The following DST variants were observed in gnomAD, a reference collection of about 807,000 sequenced individuals.
DST encodes the protein bullous pemphigoid antigen.
In DST, 253 loss-of-function variants were observed where a neutral mutation model predicts 875.2. That is an observed-to-expected ratio of 0.29 (90% CI 0.26 to 0.32). The LOEUF (loss-of-function observed/expected upper bound fraction) is 0.32. DST is among the 10% of genes least tolerant of loss of function. DST has a pLI of 1.00. For synonymous variants in DST, 3,124 were observed against 3,197.1 expected (o/e 0.98, Z 0.77); for missense variants, 8,287 against 9,111.6 (o/e 0.91, Z 3.68).
At chr6:56,498,869 C>T (rs900101636) in intron 80 of DST, among the ~76,000 whole-genome samples, 12 of 152,104 alleles carry the variant, frequency 7.9e-5, no homozygotes, top group African/African-American at 2.9e-4. Context: ...TTCAGTTGTT[C>T]TTCAAGTAGA....
intron 36 of DST, chr6:56,616,320 C>CA: frequency 6.2e-7 from 1 of 1,613,684 alleles, no homozygotes; most frequent in Non-Finnish European, 8.5e-7. Context: ...CCATAGGATT[C>CA]AAAAAACATA....
intron 71 of DST, among the ~76,000 whole-genome samples, chr6:56,516,143 G>A (rs9464391): frequency 1.4e-5 from 2 of 142,700 alleles, no homozygotes; most frequent in Non-Finnish European, 3.1e-5. Flanking sequence ...GAGAGAGAGA[G>A]AGAGAAAGAG....
intron 4 of DST, among the ~76,000 whole-genome samples, chr6:56,827,506 CAAAA>C (rs779051829): frequency 1.2e-4 from 7 of 58,780 alleles, no homozygotes; most frequent in Admixed American, 9.5e-4. Context: ...GACTCCGTCT[CAAAA>C]AAAAAAAAAA....
At chr6:56,760,393 C>T (rs2099614458) in intron 4 of DST, among the ~76,000 whole-genome samples, 1 of 152,112 alleles carries the variant, frequency 6.6e-6, no homozygotes, top group African/African-American at 2.4e-5. Context: ...TTGTATGTCT[C>T]TCCATGTGTA....
intron 48 of DST, 99 bp from the exon 49 acceptor site, chr6:56,592,457 A>C (rs2098295080): frequency 1.0e-6 from 1 of 989,076 alleles, no homozygotes; most frequent in Non-Finnish European, 1.5e-6. Flanking sequence ...CTTGGAAAAA[A>C]AACCAGACTT....
At position 56,842,908 on chromosome 6, in the gene DST, C is replaced by A. The variant is rs1591545530; in HGVS notation, c.625+8489G>T. Reference sequence around the variant, plus strand: ...TCCCTGCGCTGGGGGTACTAAATCCCGTGCAAAAAGACCTGGTCCATTCCC... The same window carrying A: ...TCCCTGCGCTGGGGGTACTAAATCCAGTGCAAAAAGACCTGGTCCATTCCC... On this transcript the variant is annotated intron_variant, in intron 4 of 103. Coordinates refer to ENST00000680361, the MANE Select transcript of DST (RefSeq NM_001374736.1). The A allele has an allele frequency of 9.8e-6, 7 of 714,990 alleles. No individual in the cohort carries two copies. The East Asian group carries it at 2.1e-4, about 21-fold the overall frequency. The allele number at this position is 714,990 out of a possible 1,614,324, so 44.3% of individuals were successfully genotyped here.
chr6:56,464,976 C>A (rs2094508670), intron 99 of DST, among the ~76,000 whole-genome samples: 2 of 152,222 alleles, frequency 1.3e-5, no homozygotes, highest in Non-Finnish European at 2.9e-5. Flanking sequence ...CCTTCCTAAG[C>A]AACCCAACAG....
intron 2 of DST, among the ~76,000 whole-genome samples, chr6:56,940,608 G>T (rs1816033218): frequency 6.6e-6 from 1 of 151,554 alleles, no homozygotes; most frequent in South Asian, 2.1e-4. Flanking sequence ...TTGAGACAGG[G>T]TCTTGCTGTC....
At chr6:56,828,848 T>C (rs948168855) in intron 4 of DST, among the ~76,000 whole-genome samples, 5 of 152,158 alleles carry the variant, frequency 3.3e-5, no homozygotes, top group African/African-American at 1.2e-4. Context: ...TATAGTTCTG[T>C]ACCCTATATT....
At chr6:56,556,588 T>C (rs13219448) in intron 59 of DST, among the ~76,000 whole-genome samples, 40,463 of 152,112 alleles carry the variant, frequency 0.27, 5,625 homozygotes, top group Middle Eastern at 0.4. Context: ...AATTCAAACA[T>C]CTGACTTTTA....
intron 4 of DST, among the ~76,000 whole-genome samples, chr6:56,777,998 C>T (rs750418459): frequency 1.3e-5 from 2 of 152,054 alleles, no homozygotes; most frequent in East Asian, 1.9e-4. Context: ...CCACTGCCCC[C>T]GGCCTGTAAG....
intron 31 of DST, 122 bp from the exon 32 acceptor site, chr6:56,629,565 A>G: frequency 1.4e-6 from 1 of 737,124 alleles, no homozygotes; most frequent in South Asian, 1.7e-5. Flanking sequence ...AAAGGAAAGA[A>G]TATCTTTCAT....
At chr6:56,492,812 A>T in intron 84 of DST, 122 bp downstream of exon 84, 1 of 848,728 alleles carries the variant, frequency 1.2e-6, no homozygotes, top group Non-Finnish European at 1.7e-6. Context: ...GCAGAGGTTG[A>T]AGTAAGCCAA....
intron 49 of DST, among the ~76,000 whole-genome samples, chr6:56,583,269 C>G (rs2098063650): frequency 6.6e-6 from 1 of 152,208 alleles, no homozygotes; most frequent in Non-Finnish European, 1.5e-5. Context: ...TGTTTCCTGA[C>G]TTTTTAATGA....
chr6:56,621,665 C>T (rs2098691707), intron 36 of DST, among the ~76,000 whole-genome samples: 1 of 152,112 alleles, frequency 6.6e-6, no homozygotes, highest in Admixed American at 6.5e-5. Flanking sequence ...GAGGAGTATG[C>T]TTTACATTGA....
intron 4 of DST, among the ~76,000 whole-genome samples, chr6:56,829,965 T>C (rs1169207589): frequency 6.6e-6 from 1 of 151,748 alleles, no homozygotes; most frequent in Non-Finnish European, 1.5e-5. Flanking sequence ...TTGTTGAATT[T>C]CTAAAATTCA....
At chr6:56,827,092 G>A (rs906191275) in intron 4 of DST, among the ~76,000 whole-genome samples, 3 of 152,192 alleles carry the variant, frequency 2.0e-5, no homozygotes, top group Admixed American at 1.3e-4. Context: ...ATTAACTAAT[G>A]GCCTGTGCTA....
At chr6:56,666,923 G>A (rs758503003) in intron 10 of DST, among the ~76,000 whole-genome samples, 1 of 150,880 alleles carries the variant, frequency 6.6e-6, no homozygotes, top group Non-Finnish European at 1.5e-5. Context: ...GTCTAAAGCT[G>A]TACTAACAGA....
In DST at chr6:56,558,897, C is replaced by T. The variant is rs191012786; in HGVS notation, c.14441-1379G>A. Among the ~76,000 whole-genome samples the T allele has an allele frequency of 2.2e-3, 334 of 152,184 alleles. 1 individual carries two copies. Among genetic ancestry groups the T allele is most frequent in the Non-Finnish European group, 3.6e-3 (248 of 67,970 alleles). On this transcript the variant is annotated intron_variant, in intron 58 of 103. Transcript: ENST00000680361. ...CCAACCCTATCCTTCCTTTACATTC[C>T]ATTGGATTTACCCTCTGCTAGGAAG...
Sources: allele counts gnomAD v4.1 joint callset (sites outside exome capture counted in the v4.1 genomes callset), GRCh38; gene constraint gnomAD v4.1.1; transcripts MANE v1.5; gene names NCBI Gene and HGNC (gene_info 2026-07-23, HGNC 2026-07-21).